The following EFR3B variants were observed in gnomAD, a reference collection of about 807,000 sequenced individuals.
EFR3B encodes the protein protein EFR3 homolog B.
EFR3B carries 64 observed loss-of-function variants against 104.7 expected under a neutral mutation model. The observed-to-expected ratio is 0.61, with a 90% confidence interval of 0.50 to 0.75. EFR3B has a LOEUF of 0.75. Among genes scored for constraint, EFR3B ranks in the 30% least tolerant of loss-of-function variants. The pLI is 0.00. For synonymous variants in EFR3B, 385 were observed against 417.9 expected (o/e 0.92, Z 0.96); for missense variants, 750 against 1,078.5 (o/e 0.70, Z 4.27).
At chr2:25,062,753 G>A (rs1019347912) in intron 1 of EFR3B, among the ~76,000 whole-genome samples, 4 of 152,196 alleles carry the variant, frequency 2.6e-5, no homozygotes, top group African/African-American at 9.6e-5. Flanking sequence ...AGGCCCATAC[G>A]GCAGGGCCAT....
chr2:25,071,506 G>T (rs997099383), intron 1 of EFR3B, among the ~76,000 whole-genome samples: 2 of 151,952 alleles, frequency 1.3e-5, no homozygotes, highest in Non-Finnish European at 2.9e-5. Context: ...CGATCCACCC[G>T]CCTCGGCCTC....
chr2:25,097,515 C>T (rs1021414274), intron 3 of EFR3B, among the ~76,000 whole-genome samples: 9 of 152,186 alleles, frequency 5.9e-5, no homozygotes, highest in African/African-American at 2.2e-4. Flanking sequence ...GACCCAGGGG[C>T]AGAACCACCC....
At position 25,072,356 on chromosome 2, in the gene EFR3B, C is replaced by T. The variant is rs1382038566; in HGVS notation, c.8-18969C>T. ...AGTGCAGTGGTGTGATCTCGGCTCACTGCAACCTCTGCCTCCCAGGTTCAA... is the reference window on the plus strand; with the variant it reads ...AGTGCAGTGGTGTGATCTCGGCTCATTGCAACCTCTGCCTCCCAGGTTCAA... On this transcript the variant is annotated intron_variant, in intron 1 of 22. Transcript: ENST00000403714. Among the ~76,000 whole-genome samples, 3 of 152,018 alleles carry T rather than the reference C, an allele frequency of 2.0e-5. No individual in the cohort carries two copies. In the East Asian group the frequency reaches 5.8e-4, roughly 29 times the overall value.
intron 1 of EFR3B, among the ~76,000 whole-genome samples, chr2:25,064,642 C>T (rs76089796): frequency 0.021 from 3,168 of 152,204 alleles, 102 homozygotes; most frequent in African/African-American, 0.072. Flanking sequence ...TCCACATGTA[C>T]TTAAAAAAAT....
chr2:25,137,347 C>T lies in EFR3B; in HGVS notation c.1567C>T (p.Gln523Ter). The T allele has an allele frequency of 6.4e-7, 1 of 1,552,174 alleles. No homozygotes were observed. The highest frequency in any genetic ancestry group is 8.7e-7 in the Non-Finnish European group (1 of 1,147,130). Residue 523 changes from glutamine (Q) to a stop codon, truncating the protein, a stop_gained, in exon 15 of 23, where the codon CAG becomes TAG. Coordinates refer to ENST00000403714, the MANE Select transcript of EFR3B (RefSeq NM_014971.2). LOFTEE classifies it high-confidence loss of function. The surrounding 1 kb of genome is among the most constrained non-coding windows in gnomAD (Gnocchi z 4.7). ...TGCCCGCTCCTGTCCCCAGCACTCC[C>T]AGCAGCTCTACAGACACATCTACCT... ...QDTVFMKKHS[Q>*]QLYRHIYLSC... is the part of the protein sequence containing the mutation.
chr2:25,152,610 A>G (rs1247705192), intron 21 of EFR3B, among the ~76,000 whole-genome samples: 3 of 152,144 alleles, frequency 2.0e-5, no homozygotes, highest in African/African-American at 7.2e-5. Context: ...GCAGCTGGAC[A>G]TGTAGAAATG....
chr2:25,081,406 C>T, intron 1 of EFR3B: 1 of 1,215,884 alleles, frequency 8.2e-7, no homozygotes, highest in Non-Finnish European at 1.2e-6. Flanking sequence ...CATGTTATTT[C>T]TTTCTTCTGT....
At chr2:25,121,550 C>A in intron 4 of EFR3B, 123 bp from the exon 5 acceptor site, 2 of 1,278,008 alleles carry the variant, frequency 1.6e-6, no homozygotes, top group Non-Finnish European at 1.1e-6. Context: ...CAAGGCCGGC[C>A]AAGCTGGCTC....
rs778142548 is a variant in EFR3B at position 25,141,407 on chromosome 2, C to T, written c.1896C>T (p.Pro632=). ...TRKKEAPYML[P]EDVFVERPRL... ...AGAAAGAGGCTCCATACATGCTCCC[C>T]GAGGATGTGTTTGTGGAGAGGCCCA... Residue 632 remains proline, a synonymous_variant, in exon 17 of 23, where the codon CCC becomes CCT. Coordinates refer to ENST00000403714, the MANE Select transcript of EFR3B (RefSeq NM_014971.2). The T allele has an allele frequency of 2.6e-5, 40 of 1,551,326 alleles. No individual in the cohort carries two copies. The East Asian group carries it at 2.9e-4, about 11-fold the overall frequency.
At chr2:25,138,744 G>A (rs1670585226) in intron 15 of EFR3B, among the ~76,000 whole-genome samples, 1 of 152,152 alleles carries the variant, frequency 6.6e-6, no homozygotes, top group Non-Finnish European at 1.5e-5. Flanking sequence ...CCTGGCAGTG[G>A]GATTAACGAC....
chr2:25,143,621 C>A, intron 17 of EFR3B, 114 bp from the exon 18 acceptor site: 1 of 1,338,622 alleles, frequency 7.5e-7, no homozygotes, highest in Non-Finnish European at 1.0e-6. Context: ...GATCGCACCA[C>A]CACACTCCAG....
In EFR3B at chr2:25,154,559, C is replaced by T; in HGVS notation, c.*219C>T. On this transcript the variant is annotated 3_prime_UTR_variant, in exon 23 of 23. Coordinates refer to ENST00000403714, the MANE Select transcript of EFR3B (RefSeq NM_014971.2). This position sits in a 1 kb window ranked among gnomAD's most constrained non-coding sequence, Gnocchi z 4.1. Reference sequence around the variant, plus strand: ...AGGGAGGTCTCACCAATCAGCATCTCACCTGTGCCCTCTTTGTCTTCTCTT... The same window carrying T: ...AGGGAGGTCTCACCAATCAGCATCTTACCTGTGCCCTCTTTGTCTTCTCTT... 2 of 534,010 alleles carry T rather than the reference C, an allele frequency of 3.7e-6. No individual in the cohort carries two copies. Among genetic ancestry groups the T allele is most frequent in the South Asian group, 5.4e-5 (2 of 37,132 alleles). 33.1% of individuals were successfully genotyped at this position (534,010 alleles called of 1,614,324 possible).
chr2:25,096,606 C>T (rs1669282848), intron 3 of EFR3B, among the ~76,000 whole-genome samples: 2 of 152,200 alleles, frequency 1.3e-5, no homozygotes. Context: ...ACCCCCGCCA[C>T]ACCTGCCGTA....
intron 1 of EFR3B, among the ~76,000 whole-genome samples, chr2:25,076,826 G>A (rs1233205848): frequency 1.3e-5 from 2 of 152,104 alleles, no homozygotes; most frequent in African/African-American, 2.4e-5. Flanking sequence ...TGAGTGTCTC[G>A]GAAGCTCTAG....
intron 16 of EFR3B, among the ~76,000 whole-genome samples, chr2:25,139,666 C>T (rs1670610726): frequency 6.6e-6 from 1 of 152,242 alleles, no homozygotes; most frequent in Non-Finnish European, 1.5e-5. Flanking sequence ...TTCACGCCCA[C>T]TCATATGAAA....
intron 4 of EFR3B, 73 bp downstream of exon 4, chr2:25,103,860 G>A (rs1219991018): frequency 8.5e-6 from 13 of 1,528,734 alleles, no homozygotes; most frequent in Middle Eastern, 1.8e-4. Context: ...GGGAGACCTC[G>A]GGGTCGGCAC....
At chr2:25,072,332 G>A (rs1459839625) in intron 1 of EFR3B, among the ~76,000 whole-genome samples, 1 of 152,188 alleles carries the variant, frequency 6.6e-6, no homozygotes, top group Non-Finnish European at 1.5e-5. Flanking sequence ...CCAGGCTGGA[G>A]TGCAGTGGTG....
intron 4 of EFR3B, among the ~76,000 whole-genome samples, chr2:25,115,783 C>T (rs1669841906): frequency 6.6e-6 from 1 of 152,236 alleles, no homozygotes; most frequent in Admixed American, 6.5e-5. Flanking sequence ...ACAGAGACAG[C>T]TAACACTGAC....
At chr2:25,141,621 C>T (rs1035656683) in intron 17 of EFR3B, among the ~76,000 whole-genome samples, 188 bp downstream of exon 17, 4 of 152,222 alleles carry the variant, frequency 2.6e-5, no homozygotes, top group Non-Finnish European at 5.9e-5. Flanking sequence ...TACTGCAGTC[C>T]ATGCCTCGAG....
Sources: allele counts gnomAD v4.1 joint callset (sites outside exome capture counted in the v4.1 genomes callset), GRCh38; gene constraint gnomAD v4.1.1; non-coding constraint Gnocchi (gnomAD v3.1); transcripts MANE v1.5; gene names NCBI Gene and HGNC (gene_info 2026-07-23, HGNC 2026-07-21).